Variants in GLIPR1L2 observed in about 807,000 individuals in gnomAD.
The protein encoded by GLIPR1L2 is GLIPR1-like protein 2.
In GLIPR1L2, 21 loss-of-function variants were observed where a neutral mutation model predicts 28.4. The ratio of observed to expected loss-of-function variants is 0.74; its 90% CI spans 0.52 to 1.06. The LOEUF (loss-of-function observed/expected upper bound fraction) is 1.06, where lower values mean the gene tolerates loss of function less well. GLIPR1L2 is among the 50% of genes least tolerant of loss of function. The pLI is 0.00. For synonymous variants in GLIPR1L2, 145 were observed against 139.3 expected, an observed-to-expected ratio of 1.04 and a Z score of -0.29; for missense variants, 476 against 416.9, an observed-to-expected ratio of 1.14 and a Z score of -1.23.
At chr12:75,417,128 G>C (rs1200380372) in intron 3 of GLIPR1L2, among the ~76,000 whole-genome samples, 1 of 152,010 alleles carries the variant, frequency 6.6e-6, no homozygotes, top group Non-Finnish European at 1.5e-5. Flanking sequence ...TACCTAATAT[G>C]GCAAAGATGT....
intron 1 of GLIPR1L2, among the ~76,000 whole-genome samples, chr12:75,409,837 G>T (rs1025124143): frequency 6.9e-6 from 1 of 144,128 alleles, no homozygotes; most frequent in Non-Finnish European, 1.5e-5. Flanking sequence ...TATCTAATCC[G>T]ATATATATAT....
intron 2 of GLIPR1L2, among the ~76,000 whole-genome samples, chr12:75,411,410 C>T (rs2045865966): frequency 6.6e-6 from 1 of 151,808 alleles, no homozygotes; most frequent in South Asian, 2.1e-4. Flanking sequence ...TTATGTAGAA[C>T]TTAATACTTT....
chr12:75,409,883 T>G (rs1378982887), intron 1 of GLIPR1L2, among the ~76,000 whole-genome samples: 2 of 148,798 alleles, frequency 1.3e-5, no homozygotes, highest in Non-Finnish European at 3.0e-5. Flanking sequence ...ATGATGTTTA[T>G]CTAATCCAAT....
intron 4 of GLIPR1L2, among the ~76,000 whole-genome samples, chr12:75,429,380 TG>T (rs1448023965): frequency 6.6e-6 from 1 of 152,234 alleles, no homozygotes; most frequent in African/African-American, 2.4e-5. Flanking sequence ...TTCTCCCATT[TG>T]GAATGGGAGC....
intron 3 of GLIPR1L2, among the ~76,000 whole-genome samples, chr12:75,420,809 G>T (rs994037193): frequency 2.6e-5 from 4 of 152,310 alleles, no homozygotes; most frequent in African/African-American, 9.6e-5. Flanking sequence ...GAGGGTATTA[G>T]CCTGACATTT....
intron 4 of GLIPR1L2, chr12:75,423,572 G>C (rs1037837495): frequency 3.2e-6 from 2 of 615,574 alleles, no homozygotes; most frequent in African/African-American, 4.0e-5. Context: ...ATATTATGTT[G>C]TTTTTTAATT....
intron 1 of GLIPR1L2, among the ~76,000 whole-genome samples, chr12:75,409,053 T>G (rs2045834208): frequency 6.6e-6 from 1 of 152,180 alleles, no homozygotes; most frequent in Admixed American, 6.6e-5. Context: ...TCAGGCTGCA[T>G]GAGGCCCAGG....
chr12:75,405,026 A>G (rs1327857587), intron 1 of GLIPR1L2, among the ~76,000 whole-genome samples: 1 of 152,220 alleles, frequency 6.6e-6, no homozygotes, highest in African/African-American at 2.4e-5. Flanking sequence ...TGGTATATTC[A>G]TAAAATTTGC....
At chr12:75,414,686 C>G (rs1158829832) in intron 3 of GLIPR1L2, among the ~76,000 whole-genome samples, 1 of 151,988 alleles carries the variant, frequency 6.6e-6, no homozygotes, top group African/African-American at 2.4e-5. Flanking sequence ...CATTGGGATA[C>G]CTATTACATG....
rs35050395 is a variant in GLIPR1L2, at chr12:75,405,996, GTT to G, written c.235-4425_235-4424del. On this transcript the variant is annotated intron_variant, in intron 1 of 5. Coordinates refer to ENST00000550916, the MANE Select transcript of GLIPR1L2 (RefSeq NM_001270396.2). ...TGCTCTTAATAAGAAATTGTCAAAA[GTT>G]TTTTTTTTTTTTGCTTTTAAAGTAA... Among the ~76,000 whole-genome samples the G allele has an allele frequency of 3.2e-4, 44 of 137,512 alleles. No homozygotes were observed. The Middle Eastern group carries it at 0.019, about 61-fold the overall frequency. The allele number at this position is 137,512 out of a possible 152,430, so 90.2% of individuals were successfully genotyped here.
intron 2 of GLIPR1L2, among the ~76,000 whole-genome samples, chr12:75,412,044 G>C (rs938222201): frequency 2.0e-5 from 3 of 151,838 alleles, no homozygotes; most frequent in African/African-American, 7.3e-5. Flanking sequence ...TCCTACAATA[G>C]AATTTTCTTA....
chr12:75,407,754 A>G (rs1353192854), intron 1 of GLIPR1L2, among the ~76,000 whole-genome samples: 1 of 152,080 alleles, frequency 6.6e-6, no homozygotes, highest in East Asian at 1.9e-4. Context: ...CCCTGTGGAT[A>G]AGACCTAGTT....
At chr12:75,430,590 G>C in intron 4 of GLIPR1L2, 125 bp from the exon 5 acceptor site, 4 of 827,606 alleles carry the variant, frequency 4.8e-6, no homozygotes, top group Non-Finnish European at 7.4e-6. Context: ...ACTGGTTGGA[G>C]GGAGGACATC....
intron 1 of GLIPR1L2, among the ~76,000 whole-genome samples, chr12:75,408,071 G>C (rs2045822256): frequency 6.6e-6 from 1 of 151,990 alleles, no homozygotes; most frequent in African/African-American, 2.4e-5. Flanking sequence ...ACAAATTAGA[G>C]TATGGATTCA....
At chr12:75,396,869 G>A (rs2045686398) in intron 1 of GLIPR1L2, among the ~76,000 whole-genome samples, 1 of 152,112 alleles carries the variant, frequency 6.6e-6, no homozygotes, top group African/African-American at 2.4e-5. Flanking sequence ...TTTCTCTCCA[G>A]CTACTTTAAA....
chr12:75,431,719 A>T lies in GLIPR1L2; in HGVS notation c.*558A>T, dbSNP rs1472220011. On this transcript the variant is annotated 3_prime_UTR_variant, in exon 6 of 6. Transcript: ENST00000550916. ...AGTGGTACCTGTACATCCTGCTAGG[A>T]TGCAAACTTATTATTTATAATTAAT... 1.3e-5 allele frequency: 2 copies of T among 152,058 alleles called. No homozygotes were observed. The highest frequency in any genetic ancestry group is 3.2e-3 in the Middle Eastern group (1 of 316). The allele number at this position is 152,058 out of a possible 1,614,324, so 9.4% of individuals were successfully genotyped here.
chr12:75,414,948 A>G (rs1207405157), intron 3 of GLIPR1L2, among the ~76,000 whole-genome samples: 1 of 152,108 alleles, frequency 6.6e-6, no homozygotes, highest in Non-Finnish European at 1.5e-5. Context: ...ATTAGACAAT[A>G]AAATATACTG....
rs1370487338 is a variant in GLIPR1L2, at chr12:75,401,228, T to C, written c.235-9206T>C. 4.0e-5 allele frequency among the ~76,000 whole-genome samples: 6 copies of C among 151,580 alleles called. No homozygotes were observed. The East Asian group carries it at 1.2e-3, about 29-fold the overall frequency. Reference sequence around the variant, plus strand: ...CATAAATATGAGTGAATTTAATTTCTTTATCAATAATTTGCAAAAATATAT... The same window carrying C: ...CATAAATATGAGTGAATTTAATTTCCTTATCAATAATTTGCAAAAATATAT... On this transcript the variant is annotated intron_variant, in intron 1 of 5. Coordinates refer to ENST00000550916, the MANE Select transcript of GLIPR1L2 (RefSeq NM_001270396.2).
At chr12:75,398,463 G>C (rs1188055829) in intron 1 of GLIPR1L2, among the ~76,000 whole-genome samples, 1 of 151,846 alleles carries the variant, frequency 6.6e-6, no homozygotes, top group African/African-American at 2.4e-5. Flanking sequence ...CCATTTTTAT[G>C]GGTTTGTAAT....
Sources: allele counts gnomAD v4.1 joint callset (sites outside exome capture counted in the v4.1 genomes callset), GRCh38; gene constraint gnomAD v4.1.1; transcripts MANE v1.5; gene names NCBI Gene and HGNC (gene_info 2026-07-23, HGNC 2026-07-21).